DPYSL2: variants seen among roughly 807,000 people sequenced by gnomAD.
DPYSL2 encodes dihydropyrimidinase-related protein 2.
In DPYSL2, 13 loss-of-function variants were observed where a neutral mutation model predicts 69.9. That is an observed-to-expected ratio of 0.19 (90% CI 0.12 to 0.30). The LOEUF (loss-of-function observed/expected upper bound fraction) is 0.30, where lower values mean the gene tolerates loss of function less well. DPYSL2 is among the 10% of genes least tolerant of loss of function. The pLI, the probability that DPYSL2 is intolerant of heterozygous loss-of-function variation, is 1.00. For missense variants in DPYSL2, 587 were observed against 918.9 expected, an observed-to-expected ratio of 0.64 and a Z score of 4.67; for synonymous variants, 326 against 359.1, an observed-to-expected ratio of 0.91 and a Z score of 1.04.
Position 26,560,791 on chromosome 8 carries a change from A to T in DPYSL2, c.355-21178A>T, listed in dbSNP as rs1379321347. The stretch of plus-strand genomic sequence containing the variant: ...CCTTTTAGTAAAGGTGCATGTGGAC[A>T]TTAGTATGATCTATGTAAGTATAAT... On this transcript the variant is annotated intron_variant, in intron 1 of 13. Coordinates refer to ENST00000521913, the MANE Select transcript of DPYSL2 (RefSeq NM_001197293.3). This position sits in a 1 kb window ranked among gnomAD's most constrained non-coding sequence, Gnocchi z 4.4. Among the ~76,000 whole-genome samples, 1 of 152,232 alleles carries T rather than the reference A, an allele frequency of 6.6e-6. No homozygotes were observed. The highest frequency in any genetic ancestry group is 2.4e-5 in the African/African-American group (1 of 41,460).
In DPYSL2 at chr8:26,533,511, A is replaced by G. The variant is rs1800544031; in HGVS notation, c.354+18832A>G. The stretch of plus-strand genomic sequence containing the variant: ...TCATAGTTTTTGCTTTTACCTGTAG[A>G]TTTTGGATCCATTTTGAGTTAATTT... On this transcript the variant is annotated intron_variant, in intron 1 of 13. Transcript: ENST00000521913. This position sits in a 1 kb window ranked among gnomAD's most constrained non-coding sequence, Gnocchi z 4.8. 1.3e-5 allele frequency among the ~76,000 whole-genome samples: 2 copies of G among 152,092 alleles called. No homozygotes were observed. Among genetic ancestry groups the G allele is most frequent in the Admixed American group, 1.3e-4 (2 of 15,278 alleles).
rs1022133338 is a variant in DPYSL2, at chr8:26,648,410, G to A, written c.1596+610G>A. ...TTAGAGCTTAGAGATGTCCTCTCTT[G>A]TTAACAGGACCCAGGGCAAGTCTGT... On this transcript the variant is annotated intron_variant, in intron 11 of 13. Coordinates refer to ENST00000521913, the MANE Select transcript of DPYSL2 (RefSeq NM_001197293.3). The surrounding 1 kb of genome is among the most constrained non-coding windows in gnomAD (Gnocchi z 4.3). Among the ~76,000 whole-genome samples the A allele has an allele frequency of 3.3e-5, 5 of 152,262 alleles. No homozygotes were observed. Among genetic ancestry groups the A allele is most frequent in the South Asian group, 2.1e-4 (1 of 4,830 alleles).
rs2129773336 is a variant in DPYSL2 at position 26,591,446 on chromosome 8, A to G, written c.628+7463A>G. ...CCTTGTCCTATGTCCTGGCTGAGTG[A>G]GTTGGGCAGAGACTTCTGAGGACAG... On this transcript the variant is annotated intron_variant, in intron 3 of 13. Coordinates refer to ENST00000521913, the MANE Select transcript of DPYSL2 (RefSeq NM_001197293.3). This position sits in a 1 kb window ranked among gnomAD's most constrained non-coding sequence, Gnocchi z 5.8. Among the ~76,000 whole-genome samples the G allele has an allele frequency of 2.0e-5, 3 of 152,276 alleles. No homozygotes were observed. The Middle Eastern group carries it at 0.01, about 518-fold the overall frequency.
chr8:26,556,354 A>ATATATATAGTATATATATATAG (rs796496998), intron 1 of DPYSL2, among the ~76,000 whole-genome samples: 6 of 14,062 alleles, frequency 4.3e-4, no homozygotes, highest in African/African-American at 1.4e-3. Flanking sequence ...TATATATAGT[A>ATATATATAGTATATATATATAG]TATATATATA....
intron 1 of DPYSL2, among the ~76,000 whole-genome samples, chr8:26,522,941 C>T (rs1248020668): frequency 6.6e-6 from 1 of 152,042 alleles, no homozygotes; most frequent in African/African-American, 2.4e-5. Flanking sequence ...CTGAAATCTA[C>T]TGAAAGAGTT....
intron 3 of DPYSL2, among the ~76,000 whole-genome samples, chr8:26,623,372 A>G (rs1254173876): frequency 6.6e-6 from 1 of 152,192 alleles, no homozygotes; most frequent in African/African-American, 2.4e-5. Flanking sequence ...AGATTGATGG[A>G]TATGCTATCT....
chr8:26,652,435 G>A lies in DPYSL2; in HGVS notation c.1775G>A (p.Arg592Lys). The A allele has an allele frequency of 6.2e-7, 1 of 1,605,550 alleles. No homozygotes were observed. The highest frequency in any genetic ancestry group is 8.5e-7 in the Non-Finnish European group (1 of 1,176,176). ...FVYKRIKARS[R>K]LAELRGVPRG... ...TACAAGCGTATCAAGGCAAGGAGCAGGGTGAGTAGTTTTGTTCTGATGAAT... is the reference window on the plus strand; with the variant it reads ...TACAAGCGTATCAAGGCAAGGAGCAAGGTGAGTAGTTTTGTTCTGATGAAT... Residue 592 changes from arginine (R) to lysine (K), a missense_variant and splice_region_variant, in exon 12 of 14, where the codon AGG becomes AAG. Coordinates refer to ENST00000521913, the MANE Select transcript of DPYSL2 (RefSeq NM_001197293.3). The surrounding 1 kb of genome is among the most constrained non-coding windows in gnomAD (Gnocchi z 6.3).
intron 1 of DPYSL2, among the ~76,000 whole-genome samples, chr8:26,537,611 T>TACACACACACAC (rs56080102): frequency 0.019 from 2,759 of 147,476 alleles, 45 homozygotes; most frequent in African/African-American, 0.035. Flanking sequence ...ATTCTCTCTC[T>TACACACACACAC]ACACACACAC....
At position 26,580,627 on chromosome 8, in the gene DPYSL2, T is replaced by C. The variant is rs1198587443; in HGVS notation, c.355-1342T>C. 6.6e-6 allele frequency among the ~76,000 whole-genome samples: 1 copy of C among 152,246 alleles called. No homozygotes were observed. The highest frequency in any genetic ancestry group is 1.5e-5 in the Non-Finnish European group (1 of 68,040). On this transcript the variant is annotated intron_variant, in intron 1 of 13. Transcript: ENST00000521913. This position sits in a 1 kb window ranked among gnomAD's most constrained non-coding sequence, Gnocchi z 4.1. ...GTGTAAAATTATCTTTTTTCCTTGC[T>C]CTCTAGTAGCTTATCTCTTTTTTAA...
rs538226037 is a variant in DPYSL2, at chr8:26,638,960, C to T, written c.1126+4060C>T. ...ATGCCTTCCATGTGTGAGTGGTGGC[C>T]GTGGGCAGTGCCTGATGACCTCATC... On this transcript the variant is annotated intron_variant, in intron 8 of 13. Transcript: ENST00000521913. 7.2e-5 allele frequency among the ~76,000 whole-genome samples: 11 copies of T among 152,262 alleles called. No homozygotes were observed. The East Asian group carries it at 1.4e-3, about 19-fold the overall frequency.
Position 26,641,785 on chromosome 8 carries a change from G to C in DPYSL2, c.1127-1654G>C, listed in dbSNP as rs1303946829. ...TGCTGGGGGTGGGGGCGTGGTTGCT[G>C]GTGGCCTGGAGTGAGCTGCCTGCTG... is the stretch of plus-strand genomic sequence containing the variant. On this transcript the variant is annotated intron_variant, in intron 8 of 13. Transcript: ENST00000521913. This position sits in a 1 kb window ranked among gnomAD's most constrained non-coding sequence, Gnocchi z 4.1. Among the ~76,000 whole-genome samples the C allele has an allele frequency of 6.6e-6, 1 of 152,174 alleles. No individual in the cohort carries two copies. The highest frequency in any genetic ancestry group is 1.5e-5 in the Non-Finnish European group (1 of 68,032).
At chr8:26,636,280 A>G (rs1391440656) in intron 8 of DPYSL2, among the ~76,000 whole-genome samples, 2 of 152,222 alleles carry the variant, frequency 1.3e-5, no homozygotes, top group African/African-American at 4.8e-5. Context: ...CCAGACACGC[A>G]TTTGCAAGAA....
chr8:26,595,139 C>T (rs1384364314), intron 3 of DPYSL2, among the ~76,000 whole-genome samples: 1 of 151,084 alleles, frequency 6.6e-6, no homozygotes, highest in Non-Finnish European at 1.5e-5. Context: ...AGGAGGATTG[C>T]TTGAGCCCCA....
At chr8:26,573,451 G>C (rs1468130872) in intron 1 of DPYSL2, among the ~76,000 whole-genome samples, 1 of 151,958 alleles carries the variant, frequency 6.6e-6, no homozygotes, top group Non-Finnish European at 1.5e-5. Flanking sequence ...GGTGGATCAC[G>C]AGGTCAGGAG....
chr8:26,524,835 A>AAAAAAAAAAAGAG (rs1563374151), intron 1 of DPYSL2, among the ~76,000 whole-genome samples: 1 of 74,184 alleles, frequency 1.3e-5, no homozygotes, highest in African/African-American at 4.3e-5. Flanking sequence ...AAAAAAAAAA[A>AAAAAAAAAAAGAG]AGAGAGAGAA....
chr8:26,643,205 T>G lies in DPYSL2; in HGVS notation c.1127-234T>G, dbSNP rs1585569058. ...TGTCTGGGATCCTATAGGGAGGGTG[T>G]GTTGTTTGAAGAGCAGGGGCTGAAG... On this transcript the variant is annotated intron_variant, in intron 8 of 13. Transcript: ENST00000521913. This position sits in a 1 kb window ranked among gnomAD's most constrained non-coding sequence, Gnocchi z 6.5. The G allele has an allele frequency of 2.2e-6, 1 of 458,192 alleles. No homozygotes were observed. The highest frequency in any genetic ancestry group is 3.7e-5 in the East Asian group (1 of 26,898). The allele number at this position is 458,192 out of a possible 1,614,324, so 28.4% of individuals were successfully genotyped here.
intron 8 of DPYSL2, among the ~76,000 whole-genome samples, chr8:26,638,605 C>T (rs867771488): frequency 2.6e-5 from 4 of 152,294 alleles, no homozygotes; most frequent in South Asian, 4.1e-4. Flanking sequence ...AGCAGGATGG[C>T]GTGTTCAGCC....
Position 26,620,594 on chromosome 8 carries a change from T to A in DPYSL2, c.629-3549T>A, listed in dbSNP as rs1486233267. Among the ~76,000 whole-genome samples, 2 of 152,202 alleles carry A rather than the reference T, an allele frequency of 1.3e-5. No individual in the cohort carries two copies. The highest frequency in any genetic ancestry group is 4.8e-5 in the African/African-American group (2 of 41,440). ...ATAGCCCAGGAACAGAACCTGGTAT[T>A]GTCTCTCTGTAAAGTATGAGTGAAT... On this transcript the variant is annotated intron_variant, in intron 3 of 13. Transcript: ENST00000521913. The surrounding 1 kb of genome is among the most constrained non-coding windows in gnomAD (Gnocchi z 4.5).
chr8:26,623,582 A>G (rs958031990), intron 3 of DPYSL2, among the ~76,000 whole-genome samples: 1 of 152,206 alleles, frequency 6.6e-6, no homozygotes, highest in Non-Finnish European at 1.5e-5. Flanking sequence ...TAATATAACA[A>G]TGACTGCAGT....
Sources: gnomAD v4.1 joint callset for allele counts (sites outside exome capture counted in the v4.1 genomes callset) on GRCh38, gnomAD v4.1.1 for gene constraint, Gnocchi (gnomAD v3.1) non-coding constraint, MANE v1.5 for transcripts, NCBI Gene and HGNC (gene_info 2026-07-23, HGNC 2026-07-21) for gene names.